Variants in NBAS observed in about 807,000 individuals in gnomAD.
NBAS encodes NBAS subunit of NRZ tethering complex, also known as NAG/BC035112 fusion.
Under a neutral mutation model 302.5 loss-of-function variants are expected in NBAS, and 219 were observed. That is an observed-to-expected ratio of 0.72 (90% confidence interval 0.65 to 0.81). NBAS has a LOEUF of 0.81. Among genes scored for constraint, NBAS ranks in the 30% least tolerant of loss-of-function variants. The pLI is 0.00. For synonymous variants in NBAS, 1,118 were observed against 1,021.6 expected (o/e 1.09, Z -1.80); for missense variants, 2,932 against 2,841.6 (o/e 1.03, Z -0.72).
chr2:15,165,063 A>G (rs1369468923), downstream of NBAS, among the ~76,000 whole-genome samples: 1 of 152,210 alleles, frequency 6.6e-6, no homozygotes, highest in East Asian at 1.9e-4. Flanking sequence ...GTCATACTAA[A>G]TGACTTCTGA....
At chr2:15,206,850 C>T (rs145365138) in intron 48 of NBAS, among the ~76,000 whole-genome samples, 76 of 152,306 alleles carry the variant, frequency 5.0e-4, no homozygotes, top group African/African-American at 1.8e-3. Context: ...GTATGGAAAT[C>T]CCTGGAGGTC....
At chr2:14,796,636 G>A in the NBAS span, among the ~76,000 whole-genome samples, 1 of 151,908 alleles carries the variant, frequency 6.6e-6, no homozygotes, top group Non-Finnish European at 1.5e-5. Context: ...AGATAGAGGC[G>A]GGTCCCTGGT....
At chr2:15,077,947 G>T in the NBAS span, among the ~76,000 whole-genome samples, 1 of 152,124 alleles carries the variant, frequency 6.6e-6, no homozygotes, top group East Asian at 1.9e-4. Flanking sequence ...CTCCCAAAAT[G>T]CTGGGATTAC....
At chr2:15,268,673 T>C (rs186210705) in intron 44 of NBAS, among the ~76,000 whole-genome samples, 1 of 152,302 alleles carries the variant, frequency 6.6e-6, no homozygotes, top group Non-Finnish European at 1.5e-5. Context: ...CTGACTGTCC[T>C]TCCAGGGCTG....
the NBAS span, among the ~76,000 whole-genome samples, chr2:14,860,676 G>A: frequency 5.3e-5 from 8 of 152,148 alleles, no homozygotes; most frequent in Admixed American, 2.0e-4. Flanking sequence ...ACCAGAGGCT[G>A]GAAGGATAGG....
At chr2:15,450,175 T>C (rs1039452158) in intron 21 of NBAS, among the ~76,000 whole-genome samples, 2 of 152,194 alleles carry the variant, frequency 1.3e-5, no homozygotes, top group Non-Finnish European at 2.9e-5. Context: ...GACTAGGCTA[T>C]ATAAAAGCAT....
intron 38 of NBAS, among the ~76,000 whole-genome samples, chr2:15,317,056 C>A (rs1470238904): frequency 6.6e-6 from 1 of 152,202 alleles, no homozygotes; most frequent in Non-Finnish European, 1.5e-5. Flanking sequence ...ATTCGCTGTG[C>A]TGCAATATTT....
At chr2:15,248,788 A>G (rs1039116095) in intron 44 of NBAS, among the ~76,000 whole-genome samples, 1 of 152,210 alleles carries the variant, frequency 6.6e-6, no homozygotes, top group Non-Finnish European at 1.5e-5. Flanking sequence ...GAATAGACCA[A>G]TAACAAGTTC....
chr2:15,042,959 C>A, the NBAS span, among the ~76,000 whole-genome samples: 1 of 152,168 alleles, frequency 6.6e-6, no homozygotes, highest in Non-Finnish European at 1.5e-5. Flanking sequence ...AAGAAGGCAG[C>A]CATACACAAC....
the NBAS span, among the ~76,000 whole-genome samples, chr2:15,029,120 T>A: frequency 6.6e-6 from 1 of 152,212 alleles, no homozygotes; most frequent in East Asian, 1.9e-4. Flanking sequence ...ATTTGCTGAA[T>A]GAAGAAATGA....
chr2:15,413,376 G>A lies in NBAS; in HGVS notation c.2937+2170C>T, dbSNP rs114648434. On this transcript the variant is annotated intron_variant, in intron 25 of 51. Transcript: ENST00000281513. ...GAAGATATATACAGAAAGCAAAGGGGGAGAGAGAGAAATATGTAAGCAAAT... is the reference window on the plus strand; with the variant it reads ...GAAGATATATACAGAAAGCAAAGGGAGAGAGAGAGAAATATGTAAGCAAAT... Among the ~76,000 whole-genome samples, 1,027 of 152,228 alleles carry A rather than the reference G, an allele frequency of 6.7e-3. 12 individuals are homozygous for A. The highest frequency in any genetic ancestry group is 0.022 in the African/African-American group (926 of 41,518).
chr2:15,525,013 C>A (rs1662852282), intron 9 of NBAS, among the ~76,000 whole-genome samples: 1 of 152,146 alleles, frequency 6.6e-6, no homozygotes, highest in East Asian at 1.9e-4. Context: ...TGGATTTAAG[C>A]AACTTCACTG....
the NBAS span, among the ~76,000 whole-genome samples, chr2:14,923,640 G>A: frequency 3.9e-5 from 6 of 152,176 alleles, no homozygotes; most frequent in South Asian, 2.1e-4. Context: ...ATTTCACAAC[G>A]TAGGACATGG....
intron 7 of NBAS, among the ~76,000 whole-genome samples, chr2:15,538,091 G>A (rs573787791): frequency 6.6e-6 from 1 of 152,240 alleles, no homozygotes; most frequent in Admixed American, 6.5e-5. Context: ...ATTACATGTT[G>A]AAATAATATT....
the NBAS span, among the ~76,000 whole-genome samples, chr2:15,154,644 C>G: frequency 6.6e-6 from 1 of 152,158 alleles, no homozygotes; most frequent in Non-Finnish European, 1.5e-5. Flanking sequence ...GAGGTGGGCC[C>G]AGCCCTGCTC....
intron 27 of NBAS, among the ~76,000 whole-genome samples, chr2:15,394,708 G>T (rs900383684): frequency 1.3e-5 from 2 of 151,970 alleles, no homozygotes; most frequent in Admixed American, 6.6e-5. Flanking sequence ...TGAGTATTCT[G>T]TTATAGGCTG....
chr2:15,176,232 T>C (rs908604839), intron 51 of NBAS, among the ~76,000 whole-genome samples: 1 of 152,300 alleles, frequency 6.6e-6, no homozygotes, highest in South Asian at 2.1e-4. Context: ...CCTTTAATGG[T>C]GTTGGAAGAG....
At position 15,424,350 on chromosome 2, in the gene NBAS, T is replaced by A. The variant is rs1479239439; in HGVS notation, c.2542A>T (p.Thr848Ser). 6.2e-7 allele frequency: 1 copy of A among 1,614,128 alleles called. No individual in the cohort carries two copies. Among genetic ancestry groups the A allele is most frequent in the Non-Finnish European group, 8.5e-7 (1 of 1,179,990 alleles). The change falls in exon 23 of 52, where the codon ACC (threonine) becomes TCC (serine). Residue 848 changes from threonine (T) to serine (S), a missense_variant. By Grantham distance (58) the Thr-to-Ser change is moderately conservative. Coordinates refer to ENST00000281513, the MANE Select transcript of NBAS (RefSeq NM_015909.4). Reference sequence around the variant, plus strand: ...TAATGCTCTATTTCCTCTGCTCTGGTCTGATACCAGTCCATAACCTTCTCC... The same window carrying A: ...TAATGCTCTATTTCCTCTGCTCTGGACTGATACCAGTCCATAACCTTCTCC... ...TVEKVMDWYQ[T>S]RAEEIEHYAR...
intron 48 of NBAS, among the ~76,000 whole-genome samples, chr2:15,211,262 C>A (rs1006061128): frequency 2.0e-5 from 3 of 151,396 alleles, no homozygotes; most frequent in Admixed American, 2.0e-4. Flanking sequence ...TACTATGTAC[C>A]CACAAAAATT....
Sources: allele counts gnomAD v4.1 joint callset (sites outside exome capture counted in the v4.1 genomes callset), GRCh38; gene constraint gnomAD v4.1.1; transcripts MANE v1.5; gene names NCBI Gene and HGNC (gene_info 2026-07-23, HGNC 2026-07-21).